Variants in TCF23 observed in about 807,000 individuals in gnomAD.
The protein encoded by TCF23 is transcription factor 23.
TCF23 carries 7 observed loss-of-function variants against 13.0 expected under a neutral mutation model. The observed-to-expected ratio is 0.54, with a 90% CI of 0.31 to 1.01. TCF23 has a LOEUF of 1.01. TCF23 is among the 50% of genes least tolerant of loss of function. The probability of loss-of-function intolerance (pLI) is 0.06; values close to 1 mark genes in which losing one functional copy is unlikely to be tolerated. For synonymous variants in TCF23, 122 were observed against 119.5 expected (o/e 1.02, Z -0.14); for missense variants, 257 against 289.8 (o/e 0.89, Z 0.82).
rs1672723762 is a variant in TCF23 at position 27,149,346 on chromosome 2, T to G, written c.213T>G (p.Ala71=). 3.2e-6 allele frequency: 5 copies of G among 1,578,234 alleles called. No individual in the cohort carries two copies. Among genetic ancestry groups the G allele is most frequent in the Admixed American group, 1.8e-5 (1 of 54,400 alleles). Residue 71 remains alanine (A), a synonymous_variant, in exon 1 of 3, where the codon GCT becomes GCG. Transcript: ENST00000296096. Reference sequence around the variant, plus strand: ...GAGGGACCAGGGCTGGGGGCCTGGCTCTTGGCAGGGTAAGGAAATCCTGCA... The same window carrying G: ...GAGGGACCAGGGCTGGGGGCCTGGCGCTTGGCAGGGTAAGGAAATCCTGCA... ...GPRGTRAGGL[A]LGRSEASPEN...
intron 1 of TCF23, 64 bp downstream of exon 1, chr2:27,149,419 T>G: frequency 7.1e-7 from 1 of 1,410,824 alleles, no homozygotes; most frequent in Non-Finnish European, 9.7e-7. Context: ...TGGGGAGATG[T>G]CACCTCTGAT....
rs1017423993 is a variant in TCF23 at position 27,154,109 on chromosome 2, G to C, written c.*1242G>C. On this transcript the variant is annotated 3_prime_UTR_variant, in exon 3 of 3. Transcript: ENST00000296096. ...TCCGCCTCATGGAGATCGTCCTTGG[G>C]GGCTTTCTCTAAGTCCTACCATGGG... 6.6e-6 allele frequency: 1 copy of C among 152,214 alleles called. No individual in the cohort carries two copies. The highest frequency in any genetic ancestry group is 1.5e-5 in the Non-Finnish European group (1 of 68,028). The allele number at this position is 152,214 out of a possible 1,614,324, so 9.4% of individuals were successfully genotyped here.
Position 27,150,015 on chromosome 2 carries a change from T to C in TCF23, c.223-108T>C. 6.6e-7 allele frequency: 1 copy of C among 1,505,790 alleles called. No homozygotes were observed. The allele number at this position is 1,505,790 out of a possible 1,614,324, so 93.3% of individuals were successfully genotyped here. Reference sequence around the variant, plus strand: ...TGGGCAGAGGCCCTCTGGTGCCTACTGCTAGACACCCTTCTACTCTGGTGG... The same window carrying C: ...TGGGCAGAGGCCCTCTGGTGCCTACCGCTAGACACCCTTCTACTCTGGTGG... On this transcript the variant is annotated intron_variant, in intron 1 of 2. Coordinates refer to ENST00000296096, the MANE Select transcript of TCF23 (RefSeq NM_175769.3). This position sits in a 1 kb window ranked among gnomAD's most constrained non-coding sequence, Gnocchi z 4.1.
intron 1 of TCF23, 128 bp downstream of exon 1, chr2:27,149,483 C>CCTCT: frequency 2.2e-6 from 2 of 890,602 alleles, no homozygotes; most frequent in East Asian, 2.6e-5. Flanking sequence ...GACACTGGCC[C>CCTCT]CTTAGACTCC....
chr2:27,149,082 C>T lies in TCF23; in HGVS notation c.-52C>T, dbSNP rs572460561. The T allele has an allele frequency of 1.9e-5, 28 of 1,509,718 alleles. 1 individual carries two copies. The African/African-American group carries it at 3.6e-4, about 19-fold the overall frequency. 93.5% of individuals were successfully genotyped at this position (1,509,718 alleles called of 1,614,324 possible). ...CAGCCAGCTAGCTTGAGTCCAAGGC[C>T]TCCTCAGGCACTGTGTTTCTGCTCT... On this transcript the variant is annotated 5_prime_UTR_variant, in exon 1 of 3. Transcript: ENST00000296096.
intron 2 of TCF23, among the ~76,000 whole-genome samples, chr2:27,152,324 A>T (rs1275507): frequency 0.94 from 142,823 of 152,320 alleles, 67,659 homozygotes; most frequent in East Asian, 1. Flanking sequence ...AGATGGGCAA[A>T]CCTTGGAGGA....
chr2:27,152,794 G>A lies in TCF23; in HGVS notation c.572G>A (p.Gly191Glu), dbSNP rs770793196. 4 of 1,614,142 alleles carry A rather than the reference G, an allele frequency of 2.5e-6. No homozygotes were observed. The highest frequency in any genetic ancestry group is 2.2e-5 in the South Asian group (2 of 91,082). ...CAAAGAACAAGAGATGCAGAGGTGG[G>A]GTCCCAAGTCCCTGGAGAGGCAGAT... is the stretch of plus-strand genomic sequence containing the variant. ...PSQRTRDAEVGSQVPGEADAL... is the reference protein window; with the variant it reads ...PSQRTRDAEVESQVPGEADAL... The change falls in exon 3 of 3, where the codon GGG (glycine) becomes GAG (glutamate). Residue 191 changes from glycine (G) to glutamate (E), a missense_variant. Transcript: ENST00000296096.
At chr2:27,151,265 G>A (rs1672756984) in intron 2 of TCF23, among the ~76,000 whole-genome samples, 2 of 152,112 alleles carry the variant, frequency 1.3e-5, no homozygotes, top group African/African-American at 4.8e-5. Flanking sequence ...TAAAAAGGAA[G>A]GGTCATCTTT....
chr2:27,150,714 C>T lies in TCF23; in HGVS notation c.465+349C>T, dbSNP rs1387170463. On this transcript the variant is annotated intron_variant, in intron 2 of 2. Coordinates refer to ENST00000296096, the MANE Select transcript of TCF23 (RefSeq NM_175769.3). This position sits in a 1 kb window ranked among gnomAD's most constrained non-coding sequence, Gnocchi z 4.1. ...ATTATACCAAGGAGAGTCCTAGATCCCCATGCAGCTTCAGCCCATTGTGCC... is the reference window on the plus strand; with the variant it reads ...ATTATACCAAGGAGAGTCCTAGATCTCCATGCAGCTTCAGCCCATTGTGCC... Among the ~76,000 whole-genome samples the T allele has an allele frequency of 1.3e-5, 2 of 152,100 alleles. No homozygotes were observed. Among genetic ancestry groups the T allele is most frequent in the Non-Finnish European group, 2.9e-5 (2 of 68,022 alleles).
chr2:27,153,500 C>T lies in TCF23; in HGVS notation c.*633C>T. 1 of 154,012 alleles carries T rather than the reference C, an allele frequency of 6.5e-6. No homozygotes were observed. The highest frequency in any genetic ancestry group is 1.4e-5 in the Non-Finnish European group (1 of 72,548). 9.5% of individuals were successfully genotyped at this position (154,012 alleles called of 1,614,324 possible). ...TTTTCTCTCCCTCTCGGCTCCTGCA[C>T]TCTTCCACTCTTTTCTTTTCTTTTC... On this transcript the variant is annotated 3_prime_UTR_variant, in exon 3 of 3. Transcript: ENST00000296096.
intron 2 of TCF23, among the ~76,000 whole-genome samples, chr2:27,151,132 G>C (rs1023854018): frequency 6.6e-6 from 1 of 152,158 alleles, no homozygotes; most frequent in Non-Finnish European, 1.5e-5. Flanking sequence ...TGAAGCTTAG[G>C]GAGGTTATGA....
chr2:27,151,816 T>C (rs937121239), intron 2 of TCF23, among the ~76,000 whole-genome samples: 4 of 151,914 alleles, frequency 2.6e-5, no homozygotes, highest in Admixed American at 1.3e-4. Context: ...TTTTCTTTTT[T>C]TTTTTGTAGA....
intron 2 of TCF23, 24 bp from the exon 3 acceptor site, chr2:27,152,664 C>T (rs780552918): frequency 6.2e-7 from 1 of 1,603,682 alleles, no homozygotes; most frequent in Non-Finnish European, 8.5e-7. Flanking sequence ...CAGCATTTCT[C>T]ACTTCCCAAT....
rs568724776 is a variant in TCF23 at position 27,156,246 on chromosome 2, A to T, written c.*3379A>T. ...GAGGCTGAGGCAGGAGAATTGCTTG[A>T]TCCCAGGAGGTGGAGTTTGCAGTGA... On this transcript the variant is annotated 3_prime_UTR_variant, in exon 3 of 3. Transcript: ENST00000296096. 1 of 149,708 alleles carries T rather than the reference A, an allele frequency of 6.7e-6. No individual in the cohort carries two copies. Among genetic ancestry groups the T allele is most frequent in the East Asian group, 2.1e-4 (1 of 4,846 alleles). 9.3% of individuals were successfully genotyped at this position (149,708 alleles called of 1,614,324 possible). A position where few individuals can be genotyped will look rare whatever the true frequency, so the allele number is the denominator to read the frequency against.
Position 27,154,127 on chromosome 2 carries a change from A to G in TCF23, c.*1260A>G, listed in dbSNP as rs1275506. 150,050 of 152,344 alleles carry G rather than the reference A, an allele frequency of 0.98. 73,934 individuals carry two copies. Among genetic ancestry groups the G allele is most frequent in the East Asian group, 1 (5,182 of 5,182 alleles). 9.4% of individuals were successfully genotyped at this position (152,344 alleles called of 1,614,324 possible). On this transcript the variant is annotated 3_prime_UTR_variant, in exon 3 of 3. Coordinates refer to ENST00000296096, the MANE Select transcript of TCF23 (RefSeq NM_175769.3). ...TCCTTGGGGGCTTTCTCTAAGTCCT[A>G]CCATGGGGTGCCAGAAATGTGATAT...
Position 27,152,346 on chromosome 2 carries a change from GT to G in TCF23, c.466-337del, listed in dbSNP as rs1480635218. Among the ~76,000 whole-genome samples, 4 of 152,264 alleles carry G rather than the reference GT, an allele frequency of 2.6e-5. No individual in the cohort carries two copies. In the East Asian group the frequency reaches 7.7e-4, roughly 29 times the overall value. ...CAAACCTTGGAGGACCCAGCTTGGA[GT>G]TTTTCCTGGCTCTGCTGCTCTGCCC... On this transcript the variant is annotated intron_variant, in intron 2 of 2. Coordinates refer to ENST00000296096, the MANE Select transcript of TCF23 (RefSeq NM_175769.3).
chr2:27,149,487 A>G, intron 1 of TCF23, 132 bp downstream of exon 1: 1 of 862,700 alleles, frequency 1.2e-6, no homozygotes, highest in Non-Finnish European at 1.8e-6. Context: ...CTGGCCCCTT[A>G]GACTCCAAGG....
chr2:27,150,840 G>A lies in TCF23; in HGVS notation c.465+475G>A, dbSNP rs1429715913. On this transcript the variant is annotated intron_variant, in intron 2 of 2. Transcript: ENST00000296096. This position sits in a 1 kb window ranked among gnomAD's most constrained non-coding sequence, Gnocchi z 4.1. ...TTCTAGAAGCAACCAAGCTGGGGGAGTTAGCAGGCAGCAGTACAGGGAAGG... is the reference window on the plus strand; with the variant it reads ...TTCTAGAAGCAACCAAGCTGGGGGAATTAGCAGGCAGCAGTACAGGGAAGG... 6.6e-6 allele frequency among the ~76,000 whole-genome samples: 1 copy of A among 152,166 alleles called. No homozygotes were observed. Among genetic ancestry groups the A allele is most frequent in the African/African-American group, 2.4e-5 (1 of 41,450 alleles).
rs761798617 is a variant in TCF23 at position 27,150,321 on chromosome 2, T to C, written c.421T>C (p.Trp141Arg). ...CGGCCACGAGTTGCCTGGCCCTGCC[T>C]GGCCGCCCTTCCTGCGTGGACTCCG... ...TLGHELPGPA[W>R]PPFLRGLRYL... Residue 141 changes from tryptophan to arginine, a missense_variant, in exon 2 of 3, where the codon TGG becomes CGG. By Grantham distance (101) the Trp-to-Arg change is moderately radical. Coordinates refer to ENST00000296096, the MANE Select transcript of TCF23 (RefSeq NM_175769.3). This position sits in a 1 kb window ranked among gnomAD's most constrained non-coding sequence, Gnocchi z 4.1. 1.2e-6 allele frequency: 2 copies of C among 1,613,716 alleles called. No individual in the cohort carries two copies.
Sources: allele counts gnomAD v4.1 joint callset (sites outside exome capture counted in the v4.1 genomes callset), GRCh38; gene constraint gnomAD v4.1.1; non-coding constraint Gnocchi (gnomAD v3.1); transcripts MANE v1.5; gene names NCBI Gene and HGNC (gene_info 2026-07-23, HGNC 2026-07-21).